ANO4: variants seen among roughly 807,000 people sequenced by gnomAD.
The protein encoded by ANO4 is anoctamin-4.
ANO4 carries 69 observed loss-of-function variants against 141.9 expected under a neutral mutation model. The ratio of observed to expected loss-of-function variants is 0.49; its 90% CI spans 0.40 to 0.59. The LOEUF is 0.59. ANO4 is among the 20% of genes least tolerant of loss of function. The pLI, the probability that ANO4 is intolerant of heterozygous loss-of-function variation, is 0.00. For missense variants in ANO4, 894 were observed against 1,162.2 expected (o/e 0.77, Z 3.36); for synonymous variants, 350 against 394.3 (o/e 0.89, Z 1.33).
intron 2 of ANO4, among the ~76,000 whole-genome samples, chr12:100,903,249 T>C (rs1004302387): frequency 1.3e-5 from 2 of 152,156 alleles, no homozygotes; most frequent in African/African-American, 2.4e-5. Context: ...AACCCACTTG[T>C]TTCCCAAACA....
chr12:101,044,471 G>A (rs1216166237), intron 13 of ANO4, among the ~76,000 whole-genome samples: 2 of 152,174 alleles, frequency 1.3e-5, no homozygotes, highest in Non-Finnish European at 2.9e-5. Context: ...AACAATAGCT[G>A]AAGTTTGAGT....
At chr12:100,745,968 G>A (rs1482121966) in intron 3 of ANO4, among the ~76,000 whole-genome samples, 1 of 152,222 alleles carries the variant, frequency 6.6e-6, no homozygotes, top group Non-Finnish European at 1.5e-5. Context: ...AAGTAGTAAT[G>A]ATAGAGGCTG....
chr12:100,927,494 C>T (rs147041424), intron 3 of ANO4, among the ~76,000 whole-genome samples: 3 of 151,922 alleles, frequency 2.0e-5, no homozygotes, highest in Admixed American at 6.6e-5. Context: ...TTTTCAAATC[C>T]GAACATTTTA....
chr12:100,800,758 A>G (rs2034633356), intron 1 of ANO4, among the ~76,000 whole-genome samples: 1 of 151,966 alleles, frequency 6.6e-6, no homozygotes, highest in African/African-American at 2.4e-5. Context: ...TAAATACCAC[A>G]CTCCTTTGCC....
chr12:100,824,262 C>A (rs900088987), intron 1 of ANO4, among the ~76,000 whole-genome samples: 1 of 151,944 alleles, frequency 6.6e-6, no homozygotes, highest in Non-Finnish European at 1.5e-5. Context: ...TCACACTTCT[C>A]ATTTTCAAAG....
chr12:101,022,380 G>T (rs1259278208), intron 9 of ANO4, among the ~76,000 whole-genome samples: 1 of 152,124 alleles, frequency 6.6e-6, no homozygotes, highest in Non-Finnish European at 1.5e-5. Context: ...TTGATAGTTA[G>T]TCATATACAA....
Position 100,972,382 on chromosome 12 carries a change from C to T in ANO4, c.557+976C>T, listed in dbSNP as rs529555956. On this transcript the variant is annotated intron_variant, in intron 6 of 27. Coordinates refer to ENST00000392977, the MANE Select transcript of ANO4 (RefSeq NM_001286615.2). ...ATTCACAGGCTTGTAATGTATCTCC[C>T]TGGTGCATCTTATCTTCTTTGTTCA... Among the ~76,000 whole-genome samples, 109 of 152,286 alleles carry T rather than the reference C, an allele frequency of 7.2e-4. No individual in the cohort carries two copies. In the South Asian group the frequency reaches 0.022, roughly 31 times the overall value.
chr12:100,854,862 G>A (rs1051219332), intron 1 of ANO4, among the ~76,000 whole-genome samples: 3 of 151,930 alleles, frequency 2.0e-5, no homozygotes, highest in African/African-American at 7.2e-5. Context: ...TTTGATAGTT[G>A]TTGTTTGTAT....
rs548868767 is a variant in ANO4 at position 100,733,949 on chromosome 12, A to T, written c.106+92A>T. ...GGGGTGGCTGGGGAGGAGAGGGAAG[A>T]AAATATAAATGCATAGGCATTTATT... On this transcript the variant is annotated intron_variant, in intron 2 of 29. Coordinates refer to the ANO4 transcript ENST00000644049. The T allele has an allele frequency of 1.6e-4, 102 of 620,952 alleles. No individual in the cohort carries two copies. In the South Asian group the frequency reaches 1.7e-3, roughly 11 times the overall value. The allele number at this position is 620,952 out of a possible 1,614,324, so 38.5% of individuals were successfully genotyped here. A position where few individuals can be genotyped will look rare whatever the true frequency, so the allele number is the denominator to read the frequency against.
rs142210251 is a variant in ANO4 at position 101,120,402 on chromosome 12, G to T, written c.2571-118G>T. 886 of 814,206 alleles carry T rather than the reference G, an allele frequency of 1.1e-3. 5 individuals carry two copies. In the African/African-American group the frequency reaches 0.014, roughly 13 times the overall value. 50.4% of individuals were successfully genotyped at this position (814,206 alleles called of 1,614,324 possible). A position where few individuals can be genotyped will look rare whatever the true frequency, so the allele number is the denominator to read the frequency against. ...GGACAAGCAAAACAACAGATATCTA[G>T]TATAGAGAAACTTCAAATTTCCCTC... On this transcript the variant is annotated intron_variant, in intron 25 of 27. Transcript: ENST00000392977.
chr12:101,080,746 G>C (rs1398045134), intron 15 of ANO4, among the ~76,000 whole-genome samples: 3 of 151,622 alleles, frequency 2.0e-5, no homozygotes, highest in African/African-American at 2.4e-5. Flanking sequence ...AGAATTGCTT[G>C]AACCCAGAAG....
intron 5 of ANO4, among the ~76,000 whole-genome samples, chr12:100,969,938 A>G (rs753396012): frequency 1.3e-5 from 2 of 152,174 alleles, no homozygotes; most frequent in Non-Finnish European, 2.9e-5. Flanking sequence ...AGTGACTTCC[A>G]AAGAGAAATC....
intron 14 of ANO4, among the ~76,000 whole-genome samples, chr12:101,062,371 A>T (rs1362916105): frequency 1.3e-5 from 2 of 152,192 alleles, no homozygotes; most frequent in Non-Finnish European, 2.9e-5. Flanking sequence ...TCAGGGACCC[A>T]CTTGAGGAGG....
rs545866905 is a variant in ANO4, at chr12:100,831,202, C to T, written c.-141+36175C>T. Among the ~76,000 whole-genome samples the T allele has an allele frequency of 2.6e-5, 4 of 152,198 alleles. 1 individual carries two copies. The highest frequency in any genetic ancestry group is 7.2e-5 in the African/African-American group (3 of 41,556). On this transcript the variant is annotated intron_variant, in intron 1 of 27. Coordinates refer to ENST00000392977, the MANE Select transcript of ANO4 (RefSeq NM_001286615.2). ...TTTCCTTGAGGTTGTTGCAGACACT[C>T]CACAGTCGACATTTAGTTTAGTTGC...
At chr12:100,905,837 A>G (rs2136045000) in intron 2 of ANO4, among the ~76,000 whole-genome samples, 1 of 152,250 alleles carries the variant, frequency 6.6e-6, no homozygotes, top group South Asian at 2.1e-4. Flanking sequence ...GCACAATAGG[A>G]CCATGGATAG....
At position 100,887,625 on chromosome 12, in the gene ANO4, T is replaced by C. The variant is rs375333513; in HGVS notation, c.-140-14021T>C. On this transcript the variant is annotated intron_variant, in intron 1 of 27. Coordinates refer to ENST00000392977, the MANE Select transcript of ANO4 (RefSeq NM_001286615.2). ...CTGCTTTAGTACTGGGGAATGCCTC[T>C]GTCAGACAGTGAGCTCATGAGTGCA... 5.3e-5 allele frequency among the ~76,000 whole-genome samples: 8 copies of C among 152,200 alleles called. No individual in the cohort carries two copies. The East Asian group carries it at 1.3e-3, about 26-fold the overall frequency.
intron 17 of ANO4, 149 bp downstream of exon 17, chr12:101,086,973 A>G: frequency 1.1e-6 from 1 of 931,640 alleles, no homozygotes; most frequent in East Asian, 2.7e-5. Context: ...TGGCATGAAG[A>G]TGCACTTGGG....
At chr12:100,785,478 T>A (rs1402472089) in intron 3 of ANO4, among the ~76,000 whole-genome samples, 1 of 152,208 alleles carries the variant, frequency 6.6e-6, no homozygotes, top group Non-Finnish European at 1.5e-5. Flanking sequence ...TAGACTGTCA[T>A]AGAGTTGGAA....
At chr12:100,753,991 T>G (rs1179191873) in intron 3 of ANO4, among the ~76,000 whole-genome samples, 1 of 152,166 alleles carries the variant, frequency 6.6e-6, no homozygotes, top group African/African-American at 2.4e-5. Flanking sequence ...AACCACTCAT[T>G]TGCAGTCATC....
Sources: gnomAD v4.1 joint callset for allele counts (sites outside exome capture counted in the v4.1 genomes callset) on GRCh38, gnomAD v4.1.1 for gene constraint, MANE v1.5 for transcripts, NCBI Gene and HGNC (gene_info 2026-07-23, HGNC 2026-07-21) for gene names.